EIF2B5: variants seen among roughly 807,000 people sequenced by gnomAD.
EIF2B5 encodes the protein translation initiation factor eIF2B subunit epsilon.
A neutral mutation model predicts 87.3 loss-of-function variants in EIF2B5; 38 were observed. That is an observed-to-expected ratio of 0.44 (90% CI 0.34 to 0.57). EIF2B5 has a LOEUF of 0.57. Ranked by LOEUF, EIF2B5 falls within the 20% of genes least tolerant of loss-of-function variation. The pLI is 0.02. For missense variants in EIF2B5, 784 were observed against 909.5 expected (o/e 0.86, Z 1.78); for synonymous variants, 313 against 339.6 (o/e 0.92, Z 0.86).
At chr3:184,141,467 G>A (rs1202022116) in intron 7 of EIF2B5, among the ~76,000 whole-genome samples, 1 of 152,136 alleles carries the variant, frequency 6.6e-6, no homozygotes, top group African/African-American at 2.4e-5. Context: ...TATTCGGGAG[G>A]CTGAGGCAGG....
chr3:184,144,565 C>A, intron 14 of EIF2B5, 32 bp from the exon 15 acceptor site: 2 of 1,593,060 alleles, frequency 1.3e-6, no homozygotes, highest in Middle Eastern at 1.8e-4. Flanking sequence ...CTTTCCAAGG[C>A]CCCTGAGGTC....
intron 15 of EIF2B5, 48 bp from the exon 16 acceptor site, chr3:184,144,836 G>T (rs774924646): frequency 1.2e-6 from 2 of 1,605,966 alleles, no homozygotes; most frequent in Non-Finnish European, 1.7e-6. Flanking sequence ...GGGAGCAGGA[G>T]AGTTATGTGC....
At position 184,142,742 on chromosome 3, in the gene EIF2B5, C is replaced by CT. The variant is rs766164561; in HGVS notation, c.1547-30dup. Reference sequence around the variant, plus strand: ...GGTATATTGCTCTCTGTCAATGACTCTTTTTTTCTTTTTCCTCACCCATTA... The same window carrying CT: ...GGTATATTGCTCTCTGTCAATGACTCTTTTTTTTCTTTTTCCTCACCCATTA... On this transcript the variant is annotated intron_variant, in intron 10 of 15. Transcript: ENST00000648915. The surrounding 1 kb of genome is among the most constrained non-coding windows in gnomAD (Gnocchi z 5.0). The CT allele has an allele frequency of 1.2e-5, 19 of 1,596,916 alleles. No individual in the cohort carries two copies. The South Asian group carries it at 1.8e-4, about 15-fold the overall frequency.
Position 184,136,615 on chromosome 3 carries a change from C to T in EIF2B5, c.199C>T (p.Leu67Phe), listed in dbSNP as rs1560106443. The T allele has an allele frequency of 6.2e-7, 1 of 1,614,170 alleles. No individual in the cohort carries two copies. ...TTTTTCATCTTGTATCCTTCAGGTC[C>T]TCTTGCCCCTGGCCAATGTGGCATT... ...FPISKDQPRV[L>F]LPLANVALID... The change falls in exon 2 of 16, where the codon CTC becomes TTC. Residue 67 changes from leucine to phenylalanine, a missense_variant. Coordinates refer to ENST00000648915, the MANE Select transcript of EIF2B5 (RefSeq NM_003907.3).
chr3:184,135,396 C>G lies in EIF2B5; in HGVS notation c.11C>G (p.Pro4Arg). 1 of 1,579,430 alleles carries G rather than the reference C, an allele frequency of 6.3e-7. No individual in the cohort carries two copies. Among genetic ancestry groups the G allele is most frequent in the African/African-American group, 1.3e-5 (1 of 74,842 alleles). MAA[P>R]VVAPPGVVVS... ...CCGTGAGAGAAGAAGATGGCGGCCCCTGTAGTGGCGCCGCCTGGTGTGGTG... is the reference window on the plus strand; with the variant it reads ...CCGTGAGAGAAGAAGATGGCGGCCCGTGTAGTGGCGCCGCCTGGTGTGGTG... The change falls in exon 1 of 16, where the codon CCT (proline) becomes CGT (arginine). Residue 4 changes from proline (P) to arginine (R), a missense_variant. Physicochemically the swap from Pro to Arg is moderately radical, Grantham distance 103 (BLOSUM62 -2). Transcript: ENST00000648915.
At position 184,145,284 on chromosome 3, in the gene EIF2B5, T is replaced by C. The variant is rs1176323485; in HGVS notation, c.*341T>C. Reference sequence around the variant, plus strand: ...GTTGGCTCTTTCTGCTGCTTGTATATGTTAATATTAAAAGAGAGAGTGGTG... The same window carrying C: ...GTTGGCTCTTTCTGCTGCTTGTATACGTTAATATTAAAAGAGAGAGTGGTG... On this transcript the variant is annotated 3_prime_UTR_variant, in exon 16 of 16. Transcript: ENST00000648915. This position sits in a 1 kb window ranked among gnomAD's most constrained non-coding sequence, Gnocchi z 4.0. 1 of 395,708 alleles carries C rather than the reference T, an allele frequency of 2.5e-6. No individual in the cohort carries two copies. Among genetic ancestry groups the C allele is most frequent in the African/African-American group, 2.3e-5 (1 of 43,652 alleles). 24.5% of individuals were successfully genotyped at this position (395,708 alleles called of 1,614,324 possible).
At position 184,142,567 on chromosome 3, in the gene EIF2B5, A is replaced by G. The variant is rs150035764; in HGVS notation, c.1510A>G (p.Met504Val). 4 of 1,614,158 alleles carry G rather than the reference A, an allele frequency of 2.5e-6. No individual in the cohort carries two copies. Among genetic ancestry groups the G allele is most frequent in the Non-Finnish European group, 3.4e-6 (4 of 1,180,028 alleles). ...GYLWKAAGMN[M>V]EEEEELQQNL... Reference sequence around the variant, plus strand: ...CCTCTGGAAAGCTGCAGGCATGAACATGGAGGAAGAGGAGGAACTGCAGCA... The same window carrying G: ...CCTCTGGAAAGCTGCAGGCATGAACGTGGAGGAAGAGGAGGAACTGCAGCA... Residue 504 changes from methionine (M) to valine (V), a missense_variant, in exon 10 of 16, where the codon ATG (methionine) becomes GTG (valine). Around this residue, in one of 3 missense-constraint regions of EIF2B5, gnomAD observed 660 missense variants for 789.5 expected, o/e 0.84. Coordinates refer to ENST00000648915, the MANE Select transcript of EIF2B5 (RefSeq NM_003907.3). This position sits in a 1 kb window ranked among gnomAD's most constrained non-coding sequence, Gnocchi z 5.0.
intron 7 of EIF2B5, 28 bp from the exon 8 acceptor site, chr3:184,141,897 A>G: frequency 6.2e-7 from 1 of 1,613,590 alleles, no homozygotes; most frequent in Non-Finnish European, 8.5e-7. Flanking sequence ...ACCCTGAGTT[A>G]CCCAGAGGTC....
chr3:184,137,579 A>T (rs745894670), intron 2 of EIF2B5, 41 bp from the exon 3 acceptor site: 1 of 1,597,444 alleles, frequency 6.3e-7, no homozygotes, highest in Non-Finnish European at 8.6e-7. Context: ...AATGATCTTT[A>T]TGCTTGATAC....
intron 14 of EIF2B5, 33 bp from the exon 15 acceptor site, chr3:184,144,564 G>A (rs755919086): frequency 7.5e-6 from 12 of 1,593,758 alleles, no homozygotes; most frequent in South Asian, 1.1e-5. Context: ...ACTTTCCAAG[G>A]CCCCTGAGGT....
In EIF2B5 at chr3:184,142,117, T is replaced by C. The variant is rs1258635606; in HGVS notation, c.1302+47T>C. ...GCACAGGCCCTGAATTGCATGGCAG[T>C]CACACTGAGCCAGAAGGGGCATTAT... On this transcript the variant is annotated intron_variant, in intron 8 of 15. Coordinates refer to ENST00000648915, the MANE Select transcript of EIF2B5 (RefSeq NM_003907.3). This position sits in a 1 kb window ranked among gnomAD's most constrained non-coding sequence, Gnocchi z 5.0. 6.2e-7 allele frequency: 1 copy of C among 1,614,076 alleles called. No homozygotes were observed. The highest frequency in any genetic ancestry group is 8.5e-7 in the Non-Finnish European group (1 of 1,180,002).
Position 184,142,795 on chromosome 3 carries a change from G to T in EIF2B5, c.1563G>T (p.Met521Ile). 6.2e-7 allele frequency: 1 copy of T among 1,613,952 alleles called. No individual in the cohort carries two copies. The highest frequency in any genetic ancestry group is 8.5e-7 in the Non-Finnish European group (1 of 1,179,956). The change falls in exon 11 of 16, where the codon ATG becomes ATT. Residue 521 changes from methionine to isoleucine, a missense_variant. By Grantham distance (10) the Met-to-Ile change is conservative. This residue lies in a region of EIF2B5 where 660 missense variants were observed against 789.5 expected (regional missense o/e 0.84). Coordinates refer to ENST00000648915, the MANE Select transcript of EIF2B5 (RefSeq NM_003907.3). The surrounding 1 kb of genome is among the most constrained non-coding windows in gnomAD (Gnocchi z 5.0). The stretch of plus-strand genomic sequence containing the variant: ...GCTTCTCAGGACTCAAGATCAACAT[G>T]GAAGAAGAGAGTGAAAGTGAAAGTG... ...QQNLWGLKIN[M>I]EEESESESEQ...
chr3:184,136,557 G>T, intron 1 of EIF2B5, 55 bp from the exon 2 acceptor site: 1 of 1,610,528 alleles, frequency 6.2e-7, no homozygotes, highest in Admixed American at 1.7e-5. Flanking sequence ...TTGTTGCAGT[G>T]GGGTACCCAA....
chr3:184,140,366 G>T, intron 6 of EIF2B5, 52 bp from the exon 7 acceptor site: 3 of 1,590,476 alleles, frequency 1.9e-6, no homozygotes, highest in East Asian at 2.2e-5. Context: ...GTACTTGGGG[G>T]CATTCTTCCT....
intron 6 of EIF2B5, 127 bp downstream of exon 6, chr3:184,140,284 A>G: frequency 7.2e-7 from 1 of 1,389,124 alleles, no homozygotes; most frequent in Non-Finnish European, 1.0e-6. Flanking sequence ...AGGGGACAGG[A>G]GGAACAGTAC....
intron 2 of EIF2B5, chr3:184,137,238 A>G: frequency 2.7e-6 from 1 of 372,800 alleles, no homozygotes; most frequent in East Asian, 6.8e-5. Flanking sequence ...AGACTAGGAC[A>G]TTAGCATGGT....
chr3:184,137,072 CTTGT>C (rs1268456859), intron 2 of EIF2B5: 48 of 370,114 alleles, frequency 1.3e-4, no homozygotes, highest in Admixed American at 1.3e-4. Flanking sequence ...GTTTCTAAAT[CTTGT>C]TTGTTCTCAC....
In EIF2B5 at chr3:184,138,959, TTTG is replaced by T. The variant is rs372870381; in HGVS notation, c.765+728_765+730del. The T allele has an allele frequency of 1.3e-3, 313 of 245,338 alleles. 4 individuals are homozygous for T. In the East Asian group the frequency reaches 0.041, roughly 32 times the overall value. The allele number at this position is 245,338 out of a possible 1,614,324, so 15.2% of individuals were successfully genotyped here. A position where few individuals can be genotyped will look rare whatever the true frequency, so the allele number is the denominator to read the frequency against. ...TTACAGGCATGAGCCACCAGTTTTT[TTTG>T]TTGTTGTTGTTGTTATTGTTGTTTT... On this transcript the variant is annotated intron_variant, in intron 5 of 15. Coordinates refer to ENST00000648915, the MANE Select transcript of EIF2B5 (RefSeq NM_003907.3).
At chr3:184,138,102 G>C (rs1713448858) in intron 4 of EIF2B5, 27 bp downstream of exon 4, 6 of 1,614,058 alleles carry the variant, frequency 3.7e-6, no homozygotes, top group Non-Finnish European at 5.1e-6. Context: ...GGTCCTTTGA[G>C]ATGGGGAAGT....
Sources: allele counts gnomAD v4.1 joint callset (sites outside exome capture counted in the v4.1 genomes callset), GRCh38; gene constraint gnomAD v4.1.1; regional missense constraint gnomAD v4.1.1; non-coding constraint Gnocchi (gnomAD v3.1); transcripts MANE v1.5; gene names NCBI Gene and HGNC (gene_info 2026-07-23, HGNC 2026-07-21).